The following SORCS2 variants were observed in gnomAD, a reference collection of about 807,000 sequenced individuals.
SORCS2 encodes VPS10 domain-containing receptor SorCS2.
SORCS2 carries 100 observed loss-of-function variants against 141.6 expected under a neutral mutation model. The ratio of observed to expected loss-of-function variants is 0.71; its 90% confidence interval spans 0.60 to 0.83. The LOEUF is 0.83. SORCS2 is among the 40% of genes least tolerant of loss of function. SORCS2 has a pLI of 0.00. For missense variants in SORCS2, 1,646 were observed against 1,560.2 expected (o/e 1.05, Z -0.93); for synonymous variants, 789 against 676.9 (o/e 1.17, Z -2.57).
At chr4:7,274,420 G>A (rs1409667192) in intron 1 of SORCS2, among the ~76,000 whole-genome samples, 1 of 152,206 alleles carries the variant, frequency 6.6e-6, no homozygotes, top group Admixed American at 6.5e-5. Context: ...AGGCTGTACA[G>A]GAAGCATGAT....
At chr4:7,236,622 C>T (rs1712295483) in intron 1 of SORCS2, among the ~76,000 whole-genome samples, 1 of 152,190 alleles carries the variant, frequency 6.6e-6, no homozygotes, top group Non-Finnish European at 1.5e-5. Context: ...CGCTCTGTCA[C>T]CCAGGCTGGA....
intron 11 of SORCS2, among the ~76,000 whole-genome samples, chr4:7,695,652 A>G (rs867115589): frequency 0.23 from 181 of 786 alleles, 66 homozygotes; most frequent in Admixed American, 0.27. Flanking sequence ...GGATGGATGG[A>G]TGGATGGATG....
At chr4:7,695,352 G>C (rs1386594459) in intron 11 of SORCS2, among the ~76,000 whole-genome samples, 1 of 34,972 alleles carries the variant, frequency 2.9e-5, no homozygotes, top group Non-Finnish European at 5.4e-5. Flanking sequence ...GGATGGATTG[G>C]TGGGTGGATG....
chr4:7,722,936 C>A lies in SORCS2; in HGVS notation c.2425-761C>A, dbSNP rs572506888. 7.3e-5 allele frequency among the ~76,000 whole-genome samples: 11 copies of A among 151,532 alleles called. No homozygotes were observed. In the South Asian group the frequency reaches 2.3e-3, roughly 32 times the overall value. ...GGTTTCCTCGTGCCCCTGGTGCCGG[C>A]GAGGGAGGAAGAGGGAAGGGGAGGA... On this transcript the variant is annotated intron_variant, in intron 18 of 26. Coordinates refer to ENST00000507866, the MANE Select transcript of SORCS2 (RefSeq NM_020777.3).
At chr4:7,715,692 T>G (rs755795134) in intron 17 of SORCS2, among the ~76,000 whole-genome samples, 10 of 152,222 alleles carry the variant, frequency 6.6e-5, no homozygotes, top group Non-Finnish European at 1.3e-4. Flanking sequence ...CTGGTCTTTC[T>G]GAGCCTCTGC....
chr4:7,324,088 G>T (rs937549823), intron 1 of SORCS2, among the ~76,000 whole-genome samples: 5 of 152,314 alleles, frequency 3.3e-5, no homozygotes, highest in African/African-American at 9.6e-5. Context: ...GGAGGAGGGT[G>T]CCCAGATCCC....
chr4:7,531,642 T>C lies in SORCS2; in HGVS notation c.648+13T>C. 1 of 1,609,978 alleles carries C rather than the reference T, an allele frequency of 6.2e-7. No individual in the cohort carries two copies. Among genetic ancestry groups the C allele is most frequent in the Non-Finnish European group, 8.5e-7 (1 of 1,177,968 alleles). ...CAACAAGAGGAAGGTAGGTGCTGGC[T>C]GGGGGTGGCCGCCACTCTGGCTCTC... On this transcript the variant is annotated intron_variant, in intron 3 of 26. Transcript: ENST00000507866.
At chr4:7,370,476 G>A (rs1367077956) in intron 1 of SORCS2, among the ~76,000 whole-genome samples, 1 of 152,216 alleles carries the variant, frequency 6.6e-6, no homozygotes, top group African/African-American at 2.4e-5. Context: ...ATTAGTTGCA[G>A]CAAAGCTGAG....
At chr4:7,560,847 A>G (rs1273444224) in intron 3 of SORCS2, among the ~76,000 whole-genome samples, 1 of 152,152 alleles carries the variant, frequency 6.6e-6, no homozygotes. Context: ...TGAGAGTTAG[A>G]CACTTGTTTC....
intron 1 of SORCS2, among the ~76,000 whole-genome samples, chr4:7,199,935 G>T (rs1727394609): frequency 2.6e-5 from 4 of 152,086 alleles, no homozygotes; most frequent in African/African-American, 9.7e-5. Context: ...GACACTCCCG[G>T]GGAATGCGAG....
At chr4:7,583,012 T>G (rs1368633408) in intron 3 of SORCS2, among the ~76,000 whole-genome samples, 1 of 115,922 alleles carries the variant, frequency 8.6e-6, no homozygotes, top group African/African-American at 2.8e-5. Flanking sequence ...AATTCACATT[T>G]GTTGAAATGA....
intron 1 of SORCS2, among the ~76,000 whole-genome samples, chr4:7,283,907 G>A (rs372067712): frequency 1.2e-4 from 19 of 152,156 alleles, no homozygotes; most frequent in African/African-American, 4.3e-4. Context: ...GGCCATAGGA[G>A]CGAGGGATCC....
rs115668297 is a variant in SORCS2 at position 7,231,783 on chromosome 4, A to G, written c.480+38657A>G. Among the ~76,000 whole-genome samples the G allele has an allele frequency of 2.3e-3, 352 of 152,256 alleles. 3 individuals are homozygous for G. The highest frequency in any genetic ancestry group is 8.3e-3 in the African/African-American group (343 of 41,534). On this transcript the variant is annotated intron_variant, in intron 1 of 26. Coordinates refer to ENST00000507866, the MANE Select transcript of SORCS2 (RefSeq NM_020777.3). ...AGGTGGCCTTTGCACTTTAGGAATG[A>G]ATGTGACTGCCATGGTGTGGGTGGT...
At chr4:7,605,903 A>G (rs1467382353) in intron 3 of SORCS2, among the ~76,000 whole-genome samples, 1 of 152,142 alleles carries the variant, frequency 6.6e-6, no homozygotes, top group Non-Finnish European at 1.5e-5. Context: ...GCCCACAGAC[A>G]GTCCCCCAGG....
chr4:7,206,232 A>G (rs1444976938), intron 1 of SORCS2, among the ~76,000 whole-genome samples: 3 of 152,076 alleles, frequency 2.0e-5, no homozygotes, highest in Non-Finnish European at 2.9e-5. Context: ...GGTCTCCTCC[A>G]GCCCACTAAG....
intron 1 of SORCS2, among the ~76,000 whole-genome samples, chr4:7,318,253 G>A (rs561322867): frequency 2.0e-5 from 3 of 152,336 alleles, no homozygotes; most frequent in African/African-American, 7.2e-5. Flanking sequence ...ATCCAGCTAA[G>A]AGGTGGCAGA....
intron 18 of SORCS2, among the ~76,000 whole-genome samples, chr4:7,721,700 G>T (rs1726598775): frequency 6.6e-6 from 1 of 152,194 alleles, no homozygotes; most frequent in Non-Finnish European, 1.5e-5. Flanking sequence ...TCTGCAAAGG[G>T]CACCCGGTGG....
chr4:7,716,802 T>C (rs187212966), intron 17 of SORCS2, among the ~76,000 whole-genome samples: 76 of 152,344 alleles, frequency 5.0e-4, no homozygotes, highest in African/African-American at 1.6e-3. Context: ...GACTCTTGTC[T>C]GAAGTGTCAG....
At chr4:7,500,980 G>A (rs4493531) in intron 2 of SORCS2, among the ~76,000 whole-genome samples, 37,457 of 152,204 alleles carry the variant, frequency 0.25, 5,724 homozygotes, top group East Asian at 0.7. Flanking sequence ...TCAAGCCAGC[G>A]TGGATCCAGC....
Sources: gnomAD v4.1 joint callset for allele counts (sites outside exome capture counted in the v4.1 genomes callset) on GRCh38, gnomAD v4.1.1 for gene constraint, MANE v1.5 for transcripts, NCBI Gene and HGNC (gene_info 2026-07-23, HGNC 2026-07-21) for gene names.